BAZ2A: variants seen among roughly 807,000 people sequenced by gnomAD.
The protein encoded by BAZ2A is bromodomain adjacent to zinc finger domain 2A, also known as bromodomain adjacent to zinc finger domain protein 2A.
A neutral mutation model predicts 199.9 loss-of-function variants in BAZ2A; 34 were observed. The ratio of observed to expected loss-of-function variants is 0.17; its 90% CI spans 0.13 to 0.23. The LOEUF (loss-of-function observed/expected upper bound fraction) is 0.23. BAZ2A is among the 10% of genes least tolerant of loss of function. The pLI is 1.00. For missense variants in BAZ2A, 2,002 were observed against 2,391.1 expected (o/e 0.84, Z 3.39); for synonymous variants, 857 against 883.9 (o/e 0.97, Z 0.54).
chr12:56,629,978 G>C (rs557620754), intron 1 of BAZ2A, 147 bp downstream of exon 1: 2 of 566,756 alleles, frequency 3.5e-6, no homozygotes, highest in Admixed American at 6.3e-5. Context: ...CTCGCCTCGG[G>C]TTGGATCCTC....
chr12:56,611,702 G>T, intron 6 of BAZ2A, 69 bp from the exon 7 acceptor site: 1 of 1,538,740 alleles, frequency 6.5e-7, no homozygotes, highest in Non-Finnish European at 8.7e-7. Context: ...AATAGGGAAA[G>T]GCTAACTACA....
At chr12:56,610,239 A>G (rs921829252) in intron 8 of BAZ2A, 24 bp from the exon 9 acceptor site, 2 of 1,612,434 alleles carry the variant, frequency 1.2e-6, no homozygotes, top group Non-Finnish European at 1.7e-6. Context: ...GTAAAGTAAC[A>G]TTAATAAAGT....
upstream of BAZ2A, chr12:56,630,999 T>C (rs534705182): frequency 1.5e-5 from 7 of 454,404 alleles, no homozygotes; most frequent in African/African-American, 1.1e-4. Context: ...GTCCACCCAT[T>C]CTATGGTTCT....
At chr12:56,633,645 C>T (rs1951372008), upstream of BAZ2A, among the ~76,000 whole-genome samples, 1 of 151,744 alleles carries the variant, frequency 6.6e-6, no homozygotes, top group Non-Finnish European at 1.5e-5. Flanking sequence ...AAGCAAAAGT[C>T]TTCACCCCCT....
At chr12:56,610,350 G>A (rs925103933) in intron 8 of BAZ2A, 59 bp downstream of exon 8, 1 of 1,580,506 alleles carries the variant, frequency 6.3e-7, no homozygotes, top group African/African-American at 1.3e-5. Flanking sequence ...GGAGTCTTGG[G>A]CAGTGGAAAG....
intron 1 of BAZ2A, among the ~76,000 whole-genome samples, chr12:56,628,579 T>C (rs1428508721): frequency 1.3e-5 from 2 of 152,172 alleles, no homozygotes; most frequent in African/African-American, 2.4e-5. Context: ...GGGCTGCCCT[T>C]AGGCTAGAAT....
chr12:56,630,331 C>A (rs1027980702), upstream of BAZ2A: 7 of 976,426 alleles, frequency 7.2e-6, no homozygotes, highest in East Asian at 4.6e-4. Flanking sequence ...AGGAGTGAGT[C>A]GGAGCCGGAG....
chr12:56,618,140 T>TCATC (rs1489007658), intron 1 of BAZ2A, among the ~76,000 whole-genome samples: 1 of 152,140 alleles, frequency 6.6e-6, no homozygotes, highest in Non-Finnish European at 1.5e-5. Context: ...AAACCTCGAA[T>TCATC]CATCCAGCAA....
rs1297752273 is a variant in BAZ2A at position 56,611,990 on chromosome 12, G to C, written c.1392C>G (p.Phe464Leu). The change falls in exon 6 of 29, where the codon TTC becomes TTG. Residue 464 changes from phenylalanine to leucine, a missense_variant. Transcript: ENST00000549884. The part of the protein sequence containing the change: ...AASTVVSPAV[F>L]SVVSPASSAV... ...CTGAGGAAGCTGGAGAGACCACTGA[G>C]AAGACTGCTGGAGAGACAACTGTAG... is the stretch of plus-strand genomic sequence containing the variant. 1.9e-6 allele frequency: 3 copies of C among 1,613,724 alleles called. No individual in the cohort carries two copies. The highest frequency in any genetic ancestry group is 4.5e-5 in the East Asian group (2 of 44,888).
In BAZ2A at chr12:56,609,836, G is replaced by A; in HGVS notation, c.1992C>T (p.Val664=). Residue 664 remains valine (V), a synonymous_variant, in exon 10 of 29, where the codon GTC becomes GTT. Coordinates refer to ENST00000549884, the MANE Select transcript of BAZ2A (RefSeq NM_001300905.2). The part of the protein sequence containing the change: ...RNTEKAKTKE[V]PKVKRGRGRP... ...GACCTCGACCCCGTTTCACCTTGGG[G>A]ACTTCCTTAGTCTTAGCCTTCTCAG... 2.5e-6 allele frequency: 4 copies of A among 1,613,802 alleles called. No individual in the cohort carries two copies. The highest frequency in any genetic ancestry group is 3.4e-6 in the Non-Finnish European group (4 of 1,179,816).
chr12:56,603,266 A>G, intron 18 of BAZ2A, 93 bp downstream of exon 18: 1 of 1,400,152 alleles, frequency 7.1e-7, no homozygotes, highest in Non-Finnish European at 9.8e-7. Flanking sequence ...CCCATCTCAA[A>G]AGAATAAAAA....
At chr12:56,626,938 T>C (rs1343493759) in intron 1 of BAZ2A, among the ~76,000 whole-genome samples, 2 of 152,168 alleles carry the variant, frequency 1.3e-5, no homozygotes, top group Non-Finnish European at 2.9e-5. Context: ...TGACATCAGA[T>C]GGACTTGTTT....
intron 10 of BAZ2A, among the ~76,000 whole-genome samples, chr12:56,608,691 T>A (rs1950449647): frequency 6.6e-6 from 1 of 151,724 alleles, no homozygotes; most frequent in Non-Finnish European, 1.5e-5. Context: ...TGCCTCAGCC[T>A]CCCGAGTAGC....
chr12:56,609,703 A>G (rs766992635), intron 10 of BAZ2A, 33 bp downstream of exon 10: 1 of 1,591,982 alleles, frequency 6.3e-7, no homozygotes, highest in Non-Finnish European at 8.6e-7. Context: ...TCATGGAGGG[A>G]GCAGAATCCC....
upstream of BAZ2A, among the ~76,000 whole-genome samples, chr12:56,634,379 A>T (rs1951394568): frequency 6.6e-6 from 1 of 151,992 alleles, no homozygotes; most frequent in Non-Finnish European, 1.5e-5. Flanking sequence ...CCAGGAGGAG[A>T]GTCCTTCCCA....
intron 1 of BAZ2A, among the ~76,000 whole-genome samples, chr12:56,619,811 C>A (rs1230267836): frequency 1.3e-5 from 2 of 152,056 alleles, no homozygotes; most frequent in Admixed American, 6.6e-5. Context: ...GAGATCAAGA[C>A]CAGCTTGGGA....
Position 56,615,448 on chromosome 12 carries a change from G to C in BAZ2A, c.296C>G (p.Ala99Gly), listed in dbSNP as rs1368323992. 6.2e-7 allele frequency: 1 copy of C among 1,613,318 alleles called. No homozygotes were observed. Among genetic ancestry groups the C allele is most frequent in the Non-Finnish European group, 8.5e-7 (1 of 1,179,846 alleles). ...CLWNYSQYPS[A>G]NPGSNLKDPP... is the part of the protein sequence containing the mutation. ...GTCCTTGAGGTTGCTGCCAGGATTG[G>C]CAGATGGGTACTGTGAGTAGTTCCA... is the stretch of plus-strand genomic sequence containing the variant. The change falls in exon 3 of 29, where the codon GCC becomes GGC. Residue 99 changes from alanine (A) to glycine (G), a missense_variant. Physicochemically the swap from Ala to Gly is moderately conservative, Grantham distance 60. Coordinates refer to ENST00000549884, the MANE Select transcript of BAZ2A (RefSeq NM_001300905.2).
Position 56,602,769 on chromosome 12 carries a change from T to C in BAZ2A, c.3368A>G (p.Tyr1123Cys). The stretch of plus-strand genomic sequence containing the variant: ...ACCAGCCAAATACGGCAATACCCAG[T>C]AGCGACGTCTGTAGCGGTCCTGACC... ...SLGQDRYRRR[Y>C]WVLPYLAGIF... is the part of the protein sequence containing the mutation. The change falls in exon 19 of 29, where the codon TAC becomes TGC. Residue 1123 changes from tyrosine (Y) to cysteine (C), a missense_variant. Physicochemically the swap from Tyr to Cys is radical, Grantham distance 194. Coordinates refer to ENST00000549884, the MANE Select transcript of BAZ2A (RefSeq NM_001300905.2). 6.2e-7 allele frequency: 1 copy of C among 1,613,964 alleles called. No homozygotes were observed. Among genetic ancestry groups the C allele is most frequent in the Non-Finnish European group, 8.5e-7 (1 of 1,179,858 alleles).
In BAZ2A at chr12:56,612,225, T is replaced by G; in HGVS notation, c.1157A>C (p.Asn386Thr). ...TTCTTCCTGTTCAGCGTCACTACCATTATTCAGGTCAAAGCTGTTATCTAG... is the reference window on the plus strand; with the variant it reads ...TTCTTCCTGTTCAGCGTCACTACCAGTATTCAGGTCAAAGCTGTTATCTAG... ...VLQDNSFDLN[N>T]GSDAEQEEME... The change falls in exon 6 of 29, where the codon AAT becomes ACT. Residue 386 changes from asparagine to threonine, a missense_variant. Physicochemically the swap from Asn to Thr is moderately conservative, Grantham distance 65. Coordinates refer to ENST00000549884, the MANE Select transcript of BAZ2A (RefSeq NM_001300905.2). 6.2e-7 allele frequency: 1 copy of G among 1,613,464 alleles called. No individual in the cohort carries two copies. Among genetic ancestry groups the G allele is most frequent in the South Asian group, 1.1e-5 (1 of 91,036 alleles).
Sources: gnomAD v4.1 joint callset for allele counts (sites outside exome capture counted in the v4.1 genomes callset) on GRCh38, gnomAD v4.1.1 for gene constraint, MANE v1.5 for transcripts, NCBI Gene and HGNC (gene_info 2026-07-23, HGNC 2026-07-21) for gene names.